TCF7L2: variants seen among roughly 807,000 people sequenced by gnomAD.
The protein encoded by TCF7L2 is transcription factor 7-like 2.
A neutral mutation model predicts 77.9 loss-of-function variants in TCF7L2; 23 were observed. The ratio of observed to expected loss-of-function variants is 0.30; its 90% CI spans 0.21 to 0.42. The LOEUF (loss-of-function observed/expected upper bound fraction) is 0.42. Among genes scored for constraint, TCF7L2 ranks in the 10% least tolerant of loss-of-function variants. TCF7L2 has a pLI of 1.00. For synonymous variants in TCF7L2, 413 were observed against 340.2 expected, an observed-to-expected ratio of 1.21 and a Z score of -2.36; for missense variants, 654 against 793.1, an observed-to-expected ratio of 0.82 and a Z score of 2.11.
In TCF7L2 at chr10:113,113,123, G is replaced by A. The variant is rs574062326; in HGVS notation, c.553-28061G>A. Among the ~76,000 whole-genome samples the A allele has an allele frequency of 2.6e-5, 4 of 152,140 alleles. 1 individual carries two copies. Among genetic ancestry groups the A allele is most frequent in the African/African-American group, 9.6e-5 (4 of 41,500 alleles). ...CCTCATGAGTGACAGGAGTTTTTGG[G>A]TTCTATAACCAAAAACCCAAACACT... On this transcript the variant is annotated intron_variant, in intron 5 of 13. Transcript: ENST00000627217.
intron 5 of TCF7L2, among the ~76,000 whole-genome samples, chr10:113,062,929 T>C (rs1322330023): frequency 6.6e-6 from 1 of 152,166 alleles, no homozygotes; most frequent in East Asian, 1.9e-4. Context: ...GTAGAGAGTG[T>C]GTCTGTTTAT....
intron 5 of TCF7L2, among the ~76,000 whole-genome samples, chr10:113,116,669 TC>T (rs2063771789): frequency 8.3e-6 from 1 of 120,370 alleles, no homozygotes; most frequent in African/African-American, 3.2e-5. Context: ...CCCAAGTGCA[TC>T]CTACACATTT....
intron 4 of TCF7L2, among the ~76,000 whole-genome samples, chr10:113,017,768 C>T (rs1464711839): frequency 6.6e-6 from 1 of 152,144 alleles, no homozygotes; most frequent in Non-Finnish European, 1.5e-5. Context: ...AGAAAAAGGA[C>T]AATGGGAAAC....
chr10:112,955,309 ATGGC>A (rs1485400184), intron 3 of TCF7L2, among the ~76,000 whole-genome samples: 1 of 152,230 alleles, frequency 6.6e-6, no homozygotes, highest in African/African-American at 2.4e-5. Context: ...AGAAATATTT[ATGGC>A]GAACATGTTT....
intron 5 of TCF7L2, among the ~76,000 whole-genome samples, chr10:113,087,711 T>C (rs2059973931): frequency 6.6e-6 from 1 of 152,182 alleles, no homozygotes; most frequent in Admixed American, 6.5e-5. Context: ...AGCTTCTGGT[T>C]GGTGGCTCTC....
chr10:113,084,053 C>T (rs2059581167), intron 5 of TCF7L2, among the ~76,000 whole-genome samples: 1 of 152,186 alleles, frequency 6.6e-6, no homozygotes, highest in Admixed American at 6.5e-5. Flanking sequence ...TTCAGAGACG[C>T]ACAAATCCAT....
chr10:112,968,573 C>T (rs1160649430), intron 4 of TCF7L2, among the ~76,000 whole-genome samples: 2 of 151,966 alleles, frequency 1.3e-5, no homozygotes, highest in East Asian at 1.9e-4. Context: ...AAGGTATACT[C>T]GGGTTTTCTT....
chr10:113,089,255 G>T (rs964584392), intron 5 of TCF7L2: 4 of 946,400 alleles, frequency 4.2e-6, no homozygotes, highest in South Asian at 1.9e-5. Context: ...TCTGATTTGT[G>T]CTGGGAACTG....
intron 5 of TCF7L2, among the ~76,000 whole-genome samples, chr10:113,079,318 C>T (rs1158250838): frequency 6.6e-6 from 1 of 152,174 alleles, no homozygotes; most frequent in Non-Finnish European, 1.5e-5. Flanking sequence ...GCCACACGGA[C>T]TCCTGCCTGC....
intron 5 of TCF7L2, chr10:113,132,932 G>A (rs921095760): frequency 2.6e-5 from 4 of 152,184 alleles, no homozygotes; most frequent in African/African-American, 9.7e-5. Flanking sequence ...AGAATTTTGT[G>A]ACGCTGCCGG....
chr10:113,065,676 C>G (rs1410031913), intron 5 of TCF7L2, among the ~76,000 whole-genome samples: 2 of 152,178 alleles, frequency 1.3e-5, no homozygotes, highest in Non-Finnish European at 2.9e-5. Flanking sequence ...GGTTTGGGCT[C>G]TGGCTCAGCT....
intron 12 of TCF7L2, among the ~76,000 whole-genome samples, chr10:113,160,390 T>C (rs2072960864): frequency 6.6e-6 from 1 of 152,160 alleles, no homozygotes; most frequent in African/African-American, 2.4e-5. Flanking sequence ...CATTGTTGTT[T>C]TTTGGTTTCT....
intron 7 of TCF7L2, 73 bp downstream of exon 7, chr10:113,144,098 GTCTGTGTGTGTGTGTGTGTGT>G: frequency 1.2e-6 from 1 of 817,714 alleles, no homozygotes; most frequent in East Asian, 4.6e-5. Context: ...CTGTGTGTGT[GTCTGTGTGTGTGTGTGTGTGT>G]GTGTGTGTGT....
intron 5 of TCF7L2, among the ~76,000 whole-genome samples, chr10:113,104,099 T>A (rs1332482695): frequency 3.9e-5 from 6 of 152,204 alleles, no homozygotes; most frequent in Non-Finnish European, 8.8e-5. Flanking sequence ...TCCAGTAAGA[T>A]GTGCTATTCA....
At chr10:113,027,373 G>A (rs961178286) in intron 4 of TCF7L2, among the ~76,000 whole-genome samples, 4 of 152,292 alleles carry the variant, frequency 2.6e-5, no homozygotes, top group African/African-American at 9.6e-5. Context: ...TGTCTGTCAT[G>A]TGTCAGAGAG....
At chr10:113,079,031 A>G (rs1168919285) in intron 5 of TCF7L2, among the ~76,000 whole-genome samples, 1 of 151,608 alleles carries the variant, frequency 6.6e-6, no homozygotes, top group African/African-American at 2.4e-5. Flanking sequence ...CGGGGGTTTC[A>G]CCATGTTGGC....
chr10:113,159,453 A>G (rs2072669024), intron 12 of TCF7L2, among the ~76,000 whole-genome samples: 1 of 151,476 alleles, frequency 6.6e-6, no homozygotes, highest in Admixed American at 6.6e-5. Flanking sequence ...TCTTTTTTTA[A>G]ACTATTGTAT....
chr10:113,117,616 T>TA (rs2064033545), intron 5 of TCF7L2, among the ~76,000 whole-genome samples: 2 of 152,222 alleles, frequency 1.3e-5, no homozygotes, highest in Non-Finnish European at 2.9e-5. Context: ...ATGATATAAT[T>TA]TGTCATCTTA....
chr10:112,998,432 GGA>G (rs1230711543), intron 4 of TCF7L2, among the ~76,000 whole-genome samples: 2 of 152,166 alleles, frequency 1.3e-5, no homozygotes, highest in Non-Finnish European at 2.9e-5. Flanking sequence ...TTGAGCAGGG[GGA>G]GCCGTCAGAT....
Sources: allele counts gnomAD v4.1 joint callset (sites outside exome capture counted in the v4.1 genomes callset), GRCh38; gene constraint gnomAD v4.1.1; transcripts MANE v1.5; gene names NCBI Gene and HGNC (gene_info 2026-07-23, HGNC 2026-07-21).